Variants in KCNK16 observed in about 807,000 individuals in gnomAD.
KCNK16 encodes the protein potassium channel subfamily K member 16.
A neutral mutation model predicts 23.0 loss-of-function variants in KCNK16; 23 were observed. That is an observed-to-expected ratio of 1.00 (90% CI 0.72 to 1.41). KCNK16 has a LOEUF of 1.41. Ranked by LOEUF, KCNK16 falls within the 40% of genes most tolerant of loss-of-function variation. KCNK16 has a pLI of 0.00. For synonymous variants in KCNK16, 145 were observed against 153.5 expected (o/e 0.94, Z 0.41); for missense variants, 327 against 365.8 (o/e 0.89, Z 0.87).
At chr6:39,321,945 G>A (rs1762526728) in intron 1 of KCNK16, among the ~76,000 whole-genome samples, 1 of 152,264 alleles carries the variant, frequency 6.6e-6, no homozygotes, top group South Asian at 2.1e-4. Context: ...GGGGAAGTAT[G>A]AAAGTGTGGG....
At position 39,322,431 on chromosome 6, in the gene KCNK16, C is replaced by T. The variant is rs541756062; in HGVS notation, c.110G>A (p.Arg37Lys). The change falls in exon 1 of 5, where the codon AGG becomes AAG. Residue 37 changes from arginine (R) to lysine (K), a missense_variant. Coordinates refer to ENST00000437525, the MANE Select transcript of KCNK16 (RefSeq NM_001135106.2). Reference protein sequence around the residue: ...LGATIFQLLERQAEAQSRDQF... With the variant: ...LGATIFQLLEKQAEAQSRDQF... ...GTCCCTGGACTGAGCCTCCGCCTGCCTCTCTAGCAGCTGGAAGATAGTGGC... is the reference window on the plus strand; with the variant it reads ...GTCCCTGGACTGAGCCTCCGCCTGCTTCTCTAGCAGCTGGAAGATAGTGGC... 1 of 1,614,238 alleles carries T rather than the reference C, an allele frequency of 6.2e-7. No homozygotes were observed. Among genetic ancestry groups the T allele is most frequent in the African/African-American group, 1.3e-5 (1 of 75,076 alleles).
intron 2 of KCNK16, among the ~76,000 whole-genome samples, chr6:39,318,161 T>C (rs968679908): frequency 2.6e-5 from 4 of 152,240 alleles, no homozygotes; most frequent in Non-Finnish European, 5.9e-5. Context: ...TCTGCCTCCA[T>C]GAAGCCCTCC....
chr6:39,316,540 C>T (rs867892805), intron 4 of KCNK16, 98 bp from the exon 5 acceptor site: 3 of 1,419,946 alleles, frequency 2.1e-6, no homozygotes, highest in Middle Eastern at 5.0e-4. Flanking sequence ...CTCTCTCCCT[C>T]TTCCTCATAA....
Position 39,316,289 on chromosome 6 carries a change from C to A in KCNK16, c.815G>T (p.Gly272Val). 1 of 1,599,554 alleles carries A rather than the reference C, an allele frequency of 6.3e-7. No individual in the cohort carries two copies. ...GTCAGAGGCTGCCCCATCCTTGACG[C>A]CGAGGCCCCTACTGAGCAGCCAGAG... is the stretch of plus-strand genomic sequence containing the variant. Reference protein sequence around the residue: ...CQLWLLSRGLGVKDGAASDPS... With the variant: ...CQLWLLSRGLVVKDGAASDPS... The change falls in exon 5 of 5, where the codon GGC becomes GTC. Residue 272 changes from glycine to valine, a missense_variant. Physicochemically the swap from Gly to Val is moderately radical, Grantham distance 109. Coordinates refer to ENST00000437525, the MANE Select transcript of KCNK16 (RefSeq NM_001135106.2).
downstream of KCNK16, chr6:39,314,973 T>A: frequency 6.4e-7 from 1 of 1,563,348 alleles, no homozygotes; most frequent in Non-Finnish European, 8.7e-7. Context: ...GGAGGAAGCG[T>A]CTAGGCTGTG....
At chr6:39,318,844 A>G (rs1337995812) in intron 2 of KCNK16, among the ~76,000 whole-genome samples, 175 bp downstream of exon 2, 1 of 152,156 alleles carries the variant, frequency 6.6e-6, no homozygotes, top group Non-Finnish European at 1.5e-5. Context: ...GTAATCTGCT[A>G]ATTAATGCAA....
chr6:39,320,933 A>G (rs73420563), intron 1 of KCNK16, among the ~76,000 whole-genome samples: 4,457 of 152,204 alleles, frequency 0.029, 226 homozygotes, highest in African/African-American at 0.1. Flanking sequence ...ATGTGGTACT[A>G]TGGTCCCCCA....
intron 2 of KCNK16, among the ~76,000 whole-genome samples, chr6:39,318,413 G>A (rs998772472): frequency 1.3e-5 from 2 of 152,152 alleles, no homozygotes; most frequent in Non-Finnish European, 2.9e-5. Context: ...TGTGGAATTG[G>A]ACTTAACTGA....
In KCNK16 at chr6:39,319,905, A is replaced by T. The variant is rs1272604489; in HGVS notation, c.214-772T>A. 6.6e-6 allele frequency among the ~76,000 whole-genome samples: 1 copy of T among 152,146 alleles called. No homozygotes were observed. The highest frequency in any genetic ancestry group is 1.5e-5 in the Non-Finnish European group (1 of 68,026). On this transcript the variant is annotated intron_variant, in intron 1 of 4. Coordinates refer to ENST00000437525, the MANE Select transcript of KCNK16 (RefSeq NM_001135106.2). The surrounding 1 kb of genome is among the most constrained non-coding windows in gnomAD (Gnocchi z 4.2). Reference sequence around the variant, plus strand: ...CCCGAACCTTTGCCGGCTCAAGCCTACAACACCTCCCTTCGCTGCCCCACT... The same window carrying T: ...CCCGAACCTTTGCCGGCTCAAGCCTTCAACACCTCCCTTCGCTGCCCCACT...
At position 39,320,596 on chromosome 6, in the gene KCNK16, G is replaced by A. The variant is rs78521420; in HGVS notation, c.214-1463C>T. Among the ~76,000 whole-genome samples, 198 of 152,340 alleles carry A rather than the reference G, an allele frequency of 1.3e-3. 1 individual carries two copies. The highest frequency in any genetic ancestry group is 4.6e-3 in the African/African-American group (193 of 41,574). ...TGTCTTCTTCCAGAATCTCACCCCA[G>A]TGTTCTTCTGCCACCCAGCTCAACT... On this transcript the variant is annotated intron_variant, in intron 1 of 4. Coordinates refer to ENST00000437525, the MANE Select transcript of KCNK16 (RefSeq NM_001135106.2).
chr6:39,320,773 G>C (rs1204768276), intron 1 of KCNK16, among the ~76,000 whole-genome samples: 1 of 152,184 alleles, frequency 6.6e-6, no homozygotes, highest in Non-Finnish European at 1.5e-5. Flanking sequence ...GGTTAGCAGA[G>C]CGAGTTAGGT....
Position 39,322,624 on chromosome 6 carries a change from C to T in KCNK16, c.-84G>A, listed in dbSNP as rs1762555471. 6.7e-7 allele frequency: 1 copy of T among 1,484,914 alleles called. No individual in the cohort carries two copies. Among genetic ancestry groups the T allele is most frequent in the Non-Finnish European group, 8.9e-7 (1 of 1,121,210 alleles). The allele number at this position is 1,484,914 out of a possible 1,614,324, so 92.0% of individuals were successfully genotyped here. ...AGGTGAGGAGTAAGCACCTAGGGGC[C>T]TGTGCCCAGGCTGCCGCCTGCCCTG... is the stretch of plus-strand genomic sequence containing the variant. On this transcript the variant is annotated 5_prime_UTR_variant, in exon 1 of 5. Transcript: ENST00000437525.
chr6:39,315,332 G>T, downstream of KCNK16: 2 of 1,552,472 alleles, frequency 1.3e-6, no homozygotes, highest in Non-Finnish European at 1.7e-6. Flanking sequence ...TTTCTGGAAG[G>T]ATCCTGGGAT....
intron 2 of KCNK16, 107 bp from the exon 3 acceptor site, chr6:39,318,059 G>C: frequency 9.1e-7 from 1 of 1,097,500 alleles, no homozygotes; most frequent in Non-Finnish European, 1.3e-6. Context: ...CTGGGGGTGA[G>C]AAGGGGAAGC....
chr6:39,316,120 A>G, downstream of KCNK16: 1 of 1,417,160 alleles, frequency 7.1e-7, no homozygotes, highest in Non-Finnish European at 9.2e-7. Context: ...CTGAGAAGTG[A>G]GGGGGTTGGG....
chr6:39,316,942 C>CTCT lies in KCNK16; in HGVS notation c.500_501insAGA (p.Leu167_Gln168insGlu). ...GGAACAGAGCCAGGCCCAGGACTTG[C>CTCT]AGTACCTAGGAGGGAGGGAGTTGGC... On this transcript the variant is annotated inframe_insertion, in exon 4 of 5. Coordinates refer to ENST00000437525, the MANE Select transcript of KCNK16 (RefSeq NM_001135106.2). 3 of 1,612,324 alleles carry CTCT rather than the reference C, an allele frequency of 1.9e-6. No individual in the cohort carries two copies. The highest frequency in any genetic ancestry group is 2.5e-6 in the Non-Finnish European group (3 of 1,179,564).
chr6:39,322,598 C>T lies in KCNK16; in HGVS notation c.-58G>A. 6.6e-7 allele frequency: 1 copy of T among 1,524,228 alleles called. No individual in the cohort carries two copies. The highest frequency in any genetic ancestry group is 8.8e-7 in the Non-Finnish European group (1 of 1,139,576). The allele number at this position is 1,524,228 out of a possible 1,614,324, so 94.4% of individuals were successfully genotyped here. A position where few individuals can be genotyped will look rare whatever the true frequency, so the allele number is the denominator to read the frequency against. Reference sequence around the variant, plus strand: ...CTGGCTATGGGGGAGAGGTGGGAAACAGGTGAGGAGTAAGCACCTAGGGGC... The same window carrying T: ...CTGGCTATGGGGGAGAGGTGGGAAATAGGTGAGGAGTAAGCACCTAGGGGC... On this transcript the variant is annotated 5_prime_UTR_variant, in exon 1 of 5. Coordinates refer to ENST00000437525, the MANE Select transcript of KCNK16 (RefSeq NM_001135106.2).
At chr6:39,316,506 T>C (rs1762323807) in intron 4 of KCNK16, 64 bp from the exon 5 acceptor site, 8 of 1,515,970 alleles carry the variant, frequency 5.3e-6, no homozygotes, top group South Asian at 2.6e-5. Flanking sequence ...CCAGTTTCCA[T>C]AGGGACCCTC....
chr6:39,317,764 G>T (rs1762373547), intron 3 of KCNK16, 22 bp downstream of exon 3: 3 of 1,551,976 alleles, frequency 1.9e-6, no homozygotes, highest in East Asian at 4.7e-5. Context: ...CAGCAGGCCT[G>T]TAAGGGAGTT....
Sources: gnomAD v4.1 joint callset for allele counts (sites outside exome capture counted in the v4.1 genomes callset) on GRCh38, gnomAD v4.1.1 for gene constraint, Gnocchi (gnomAD v3.1) non-coding constraint, MANE v1.5 for transcripts, NCBI Gene and HGNC (gene_info 2026-07-23, HGNC 2026-07-21) for gene names.